The following ASAP1 variants were observed in gnomAD, a reference collection of about 807,000 sequenced individuals.
The protein encoded by ASAP1 is ArfGAP with SH3 domain, ankyrin repeat and PH domain 1.
ASAP1 carries 43 observed loss-of-function variants against 145.2 expected under a neutral mutation model. The observed-to-expected ratio is 0.30, with a 90% CI of 0.23 to 0.38. The LOEUF (loss-of-function observed/expected upper bound fraction) is 0.38, where lower values mean the gene tolerates loss of function less well. Ranked by LOEUF, ASAP1 falls within the 10% of genes least tolerant of loss-of-function variation. The probability of loss-of-function intolerance (pLI) is 1.00; values close to 1 mark genes in which losing one functional copy is unlikely to be tolerated. For missense variants in ASAP1, 1,018 were observed against 1,355.3 expected (o/e 0.75, Z 3.91); for synonymous variants, 546 against 515.5 (o/e 1.06, Z -0.80).
Position 130,357,991 on chromosome 8 carries a change from ACGGCGGGGGTCC to A in ASAP1, c.186+14_186+25del. The A allele has an allele frequency of 3.1e-6, 5 of 1,589,348 alleles. No individual in the cohort carries two copies. Among genetic ancestry groups the A allele is most frequent in the Non-Finnish European group, 4.3e-6 (5 of 1,171,358 alleles). ...TGCGCGGCGGCAGCGGCGAGCGTGG[ACGGCGGGGGTCC>A]CGGCCCGACCTACCTCCTCCAGCAG... On this transcript the variant is annotated intron_variant, in intron 3 of 29. Transcript: ENST00000518721.
At chr8:130,150,203 C>T (rs368826336) in intron 13 of ASAP1, among the ~76,000 whole-genome samples, 1 of 152,172 alleles carries the variant, frequency 6.6e-6, no homozygotes, top group African/African-American at 2.4e-5. Flanking sequence ...TGCCACAGTC[C>T]ATTATCTTAG....
At chr8:130,341,176 C>T (rs1351229707) in intron 3 of ASAP1, among the ~76,000 whole-genome samples, 2 of 152,072 alleles carry the variant, frequency 1.3e-5, no homozygotes, top group East Asian at 1.9e-4. Context: ...CAGAGTGAAA[C>T]ACACCTACCA....
intron 9 of ASAP1, among the ~76,000 whole-genome samples, chr8:130,177,091 T>C (rs1478500281): frequency 6.6e-6 from 1 of 152,198 alleles, no homozygotes; most frequent in Admixed American, 6.5e-5. Flanking sequence ...AATTAACTCC[T>C]GAGCGGAAAA....
At chr8:130,139,325 G>A (rs1227739294) in intron 13 of ASAP1, among the ~76,000 whole-genome samples, 1 of 152,196 alleles carries the variant, frequency 6.6e-6, no homozygotes, top group Non-Finnish European at 1.5e-5. Flanking sequence ...AATTGCAGAA[G>A]ATTTGGGCCA....
intron 5 of ASAP1, among the ~76,000 whole-genome samples, chr8:130,207,296 A>C (rs1816289312): frequency 6.6e-6 from 1 of 152,234 alleles, no homozygotes; most frequent in African/African-American, 2.4e-5. Context: ...AGGAAGGATA[A>C]GTTTAGAGAG....
intron 13 of ASAP1, among the ~76,000 whole-genome samples, chr8:130,151,935 T>G (rs2097647320): frequency 6.6e-6 from 1 of 152,246 alleles, no homozygotes; most frequent in African/African-American, 2.4e-5. Flanking sequence ...TGTGCTTCAG[T>G]TTCTTCATCT....
At chr8:130,227,761 A>G (rs1395577738) in intron 4 of ASAP1, among the ~76,000 whole-genome samples, 1 of 152,024 alleles carries the variant, frequency 6.6e-6, no homozygotes, top group African/African-American at 2.4e-5. Flanking sequence ...AAAACCCCTG[A>G]AATTGACTGA....
At chr8:130,086,303 T>C (rs1371620487) in intron 25 of ASAP1, among the ~76,000 whole-genome samples, 1 of 152,242 alleles carries the variant, frequency 6.6e-6, no homozygotes, top group Non-Finnish European at 1.5e-5. Flanking sequence ...CGCCCCGAAG[T>C]TGAGATAATA....
chr8:130,205,818 C>T (rs1429922522), intron 5 of ASAP1, among the ~76,000 whole-genome samples: 1 of 148,784 alleles, frequency 6.7e-6, no homozygotes, highest in Non-Finnish European at 1.5e-5. Flanking sequence ...AAGGCATGTA[C>T]ACCCTGTCAC....
At chr8:130,270,473 T>G (rs533356344) in intron 3 of ASAP1, among the ~76,000 whole-genome samples, 1 of 152,360 alleles carries the variant, frequency 6.6e-6, no homozygotes, top group African/African-American at 2.4e-5. Context: ...CTTCCCTCAT[T>G]TAAAAGGTTA....
chr8:130,116,397 T>C (rs1262881445), intron 22 of ASAP1, among the ~76,000 whole-genome samples: 1 of 152,260 alleles, frequency 6.6e-6, no homozygotes, highest in East Asian at 1.9e-4. Flanking sequence ...GAAAGTCTAA[T>C]GGTCTGGGAA....
chr8:130,189,417 C>G (rs1814979418), intron 5 of ASAP1, among the ~76,000 whole-genome samples: 13 of 152,138 alleles, frequency 8.5e-5, no homozygotes, highest in Admixed American at 8.5e-4. Flanking sequence ...ACATGCAATA[C>G]TTATCTTTCT....
intron 18 of ASAP1, among the ~76,000 whole-genome samples, chr8:130,122,150 C>G (rs1266814775): frequency 6.6e-6 from 1 of 152,140 alleles, no homozygotes; most frequent in South Asian, 2.1e-4. Flanking sequence ...CTCCCCATTC[C>G]CCACACACTT....
Position 130,419,412 on chromosome 8 carries a change from A to C in ASAP1, c.-27-17442T>G, listed in dbSNP as rs1829624583. 3.9e-5 allele frequency among the ~76,000 whole-genome samples: 6 copies of C among 151,982 alleles called. No individual in the cohort carries two copies. In the South Asian group the frequency reaches 1.3e-3, roughly 32 times the overall value. ...GAAAGCCCTTTCTCTTTTGTCCAGA[A>C]GTTTCTGAAATGGGGTTTTCTCCCT... On this transcript the variant is annotated intron_variant, in intron 1 of 29. Transcript: ENST00000518721.
At chr8:130,258,971 G>A (rs148695191) in intron 3 of ASAP1, among the ~76,000 whole-genome samples, 1 of 152,104 alleles carries the variant, frequency 6.6e-6, no homozygotes, top group African/African-American at 2.4e-5. Flanking sequence ...TTGCCCCATC[G>A]ATTCCAAAAA....
chr8:130,124,240 T>C (rs988640626), intron 17 of ASAP1, 136 bp from the exon 18 acceptor site: 1 of 665,142 alleles, frequency 1.5e-6, no homozygotes, highest in African/African-American at 1.9e-5. Context: ...ACCGTCCATC[T>C]GGTCTACAAA....
At chr8:130,106,016 C>T (rs1226915543) in intron 24 of ASAP1, among the ~76,000 whole-genome samples, 1 of 152,190 alleles carries the variant, frequency 6.6e-6, no homozygotes, top group Non-Finnish European at 1.5e-5. Flanking sequence ...CTCTGCTTCC[C>T]TTTCCACACC....
At chr8:130,283,009 C>G (rs1214676550) in intron 3 of ASAP1, among the ~76,000 whole-genome samples, 1 of 152,190 alleles carries the variant, frequency 6.6e-6, no homozygotes, top group Non-Finnish European at 1.5e-5. Context: ...GGTCTATGTT[C>G]TTCAAACAAG....
chr8:130,421,255 G>C (rs1161495040), intron 1 of ASAP1, among the ~76,000 whole-genome samples: 3 of 152,128 alleles, frequency 2.0e-5, no homozygotes, highest in African/African-American at 7.2e-5. Flanking sequence ...CCAGACTAGG[G>C]GTTGGCAAAT....
Sources: gnomAD v4.1 joint callset for allele counts (sites outside exome capture counted in the v4.1 genomes callset) on GRCh38, gnomAD v4.1.1 for gene constraint, MANE v1.5 for transcripts, NCBI Gene and HGNC (gene_info 2026-07-23, HGNC 2026-07-21) for gene names.